Variants in SOSTDC1 observed in about 807,000 individuals in gnomAD.
The protein encoded by SOSTDC1 is sclerostin domain-containing protein 1.
SOSTDC1 carries 7 observed loss-of-function variants against 15.1 expected under a neutral mutation model. The ratio of observed to expected loss-of-function variants is 0.46; its 90% CI spans 0.26 to 0.87. The LOEUF is 0.87. Ranked by LOEUF, SOSTDC1 falls within the 40% of genes least tolerant of loss-of-function variation. The pLI is 0.15. For missense variants in SOSTDC1, 242 were observed against 259.2 expected, an observed-to-expected ratio of 0.93 and a Z score of 0.46; for synonymous variants, 94 against 93.2, an observed-to-expected ratio of 1.01 and a Z score of -0.05.
Position 16,462,720 on chromosome 7 carries a change from C to T in SOSTDC1, c.449G>A (p.Gly150Asp). Residue 150 changes from glycine (G) to aspartate (D), a missense_variant, in exon 2 of 2, where the codon GGC becomes GAC. By Grantham distance (94) the Gly-to-Asp change is moderately conservative. Transcript: ENST00000307068. ...TQRIQLQCQDGSTRTYKITVV... is the reference protein window; with the variant it reads ...TQRIQLQCQDDSTRTYKITVV... ...TGTGATTTTGTAGGTGCGTGTGCTG[C>T]CATCTTGGCACTGCAGCTGGATTCT... 1 of 1,614,180 alleles carries T rather than the reference C, an allele frequency of 6.2e-7. No homozygotes were observed. Among genetic ancestry groups the T allele is most frequent in the Non-Finnish European group, 8.5e-7 (1 of 1,180,028 alleles).
chr7:16,465,443 G>T, intron 1 of SOSTDC1, 21 bp downstream of exon 1: 1 of 1,589,340 alleles, frequency 6.3e-7, no homozygotes, highest in Non-Finnish European at 8.6e-7. Context: ...AAAAAAAACT[G>T]TACAAGTAAA....
rs1781288172 is a variant in SOSTDC1 at position 16,465,453 on chromosome 7, AAC to A, written c.205+9_205+10del. On this transcript the variant is annotated intron_variant, in intron 1 of 1. Coordinates refer to ENST00000307068, the MANE Select transcript of SOSTDC1 (RefSeq NM_015464.3). The stretch of plus-strand genomic sequence containing the variant: ...AGAAAAAAAAAAACTGTACAAGTAA[AAC>A]ACACTTACTGTTCCGATCCAGTCCA... 1 of 1,611,460 alleles carries A rather than the reference AAC, an allele frequency of 6.2e-7. No individual in the cohort carries two copies. Among genetic ancestry groups the A allele is most frequent in the Non-Finnish European group, 8.5e-7 (1 of 1,177,792 alleles).
rs1781210913 is a variant in SOSTDC1, at chr7:16,461,538, A to T, written c.*1010T>A. ...ACCCTTTATACATGTTAGAGGCAAC[A>T]ACAATAACTTTTAGCAGTGTTTATT... On this transcript the variant is annotated 3_prime_UTR_variant, in exon 2 of 2. Coordinates refer to ENST00000307068, the MANE Select transcript of SOSTDC1 (RefSeq NM_015464.3). The T allele has an allele frequency of 6.6e-6, 1 of 152,246 alleles. No individual in the cohort carries two copies. The highest frequency in any genetic ancestry group is 1.5e-5 in the Non-Finnish European group (1 of 68,036). 9.4% of individuals were successfully genotyped at this position (152,246 alleles called of 1,614,324 possible). A position where few individuals can be genotyped will look rare whatever the true frequency, so the allele number is the denominator to read the frequency against.
chr7:16,464,374 C>G, intron 1 of SOSTDC1: 1 of 1,550,450 alleles, frequency 6.4e-7, no homozygotes, highest in Non-Finnish European at 8.7e-7. Context: ...TTTGTCTCGT[C>G]AAGCTTTCTG....
Position 16,465,523 on chromosome 7 carries a change from G to T in SOSTDC1, c.146C>A (p.Thr49Lys). ...PVPAHPSSNS[T>K]LNQARNGGRH... ...GCCTCCATTTCTGGCTTGATTCAAC[G>T]TGCTGTTGCTGCTGGGGTGTGCTGG... Residue 49 changes from threonine (T) to lysine (K), a missense_variant, in exon 1 of 2, where the codon ACG becomes AAG. By Grantham distance (78) the Thr-to-Lys change is moderately conservative. Coordinates refer to ENST00000307068, the MANE Select transcript of SOSTDC1 (RefSeq NM_015464.3). 1 of 1,614,130 alleles carries T rather than the reference G, an allele frequency of 6.2e-7. No homozygotes were observed. Among genetic ancestry groups the T allele is most frequent in the Non-Finnish European group, 8.5e-7 (1 of 1,180,014 alleles).
At position 16,465,075 on chromosome 7, in the gene SOSTDC1, C is replaced by T. The variant is rs543361308; in HGVS notation, c.205+389G>A. ...GGTAACTAATAATATATATTAGTTA[C>T]GTTTATACACTTTACCAAAATTGCA... On this transcript the variant is annotated intron_variant, in intron 1 of 1. Transcript: ENST00000307068. Among the ~76,000 whole-genome samples, 36 of 152,114 alleles carry T rather than the reference C, an allele frequency of 2.4e-4. 2 individuals are homozygous for T. The East Asian group carries it at 3.1e-3, about 13-fold the overall frequency.
chr7:16,463,059 T>C (rs1286873982), intron 1 of SOSTDC1, 96 bp from the exon 2 acceptor site: 3 of 1,242,724 alleles, frequency 2.4e-6, no homozygotes, highest in Non-Finnish European at 3.3e-6. Context: ...AGGCAAATGA[T>C]AGCAAATTGC....
chr7:16,462,754 G>C lies in SOSTDC1; in HGVS notation c.415C>G (p.Arg139Gly), dbSNP rs370368434. The C allele has an allele frequency of 2.7e-5, 43 of 1,613,988 alleles. No homozygotes were observed. The South Asian group carries it at 3.5e-4, about 13-fold the overall frequency. Residue 139 changes from arginine to glycine, a missense_variant, in exon 2 of 2, where the codon CGT becomes GGT. Arg to Gly is a moderately radical substitution (Grantham distance 125, BLOSUM62 -2). Coordinates refer to ENST00000307068, the MANE Select transcript of SOSTDC1 (RefSeq NM_015464.3). ...CACTGCAGCTGGATTCTCTGGGTAC[G>C]GGTTTTGTCATTGACACACCGCCAC... ...QEWRCVNDKT[R>G]TQRIQLQCQD...
At position 16,462,631 on chromosome 7, in the gene SOSTDC1, C is replaced by T; in HGVS notation, c.538G>A (p.Glu180Lys). ...RQHNESSHNFESMSPAKPVQH... is the reference protein window; with the variant it reads ...RQHNESSHNFKSMSPAKPVQH... ...ACTGGCTTGGCAGGTGACATGCTCTCAAAGTTGTGACTGGACTCGTTGTGC... is the reference window on the plus strand; with the variant it reads ...ACTGGCTTGGCAGGTGACATGCTCTTAAAGTTGTGACTGGACTCGTTGTGC... Residue 180 changes from glutamate to lysine, a missense_variant, in exon 2 of 2, where the codon GAG becomes AAG. Glu to Lys is a moderately conservative substitution (Grantham distance 56). Transcript: ENST00000307068. 6.2e-7 allele frequency: 1 copy of T among 1,614,174 alleles called. No homozygotes were observed. The highest frequency in any genetic ancestry group is 1.6e-4 in the Middle Eastern group (1 of 6,062).
intron 1 of SOSTDC1, 102 bp downstream of exon 1, chr7:16,465,362 A>C: frequency 1.0e-6 from 1 of 998,662 alleles, no homozygotes; most frequent in Non-Finnish European, 1.5e-6. Context: ...TTCACAACAT[A>C]TATACGGTTC....
At chr7:16,463,990 G>T (rs1211325692) in intron 1 of SOSTDC1, among the ~76,000 whole-genome samples, 1 of 151,494 alleles carries the variant, frequency 6.6e-6, no homozygotes, top group Non-Finnish European at 1.5e-5. Context: ...ATCAAGGCTT[G>T]CCAACCAGGA....
Position 16,462,612 on chromosome 7 carries a change from T to A in SOSTDC1, c.557A>T (p.Lys186Met), listed in dbSNP as rs1781229661. Residue 186 changes from lysine (K) to methionine (M), a missense_variant, in exon 2 of 2, where the codon AAG (lysine) becomes ATG (methionine). Physicochemically the swap from Lys to Met is moderately conservative, Grantham distance 95. Transcript: ENST00000307068. ...CCGCTCTCTGTGATGCTGGACTGGC[T>A]TGGCAGGTGACATGCTCTCAAAGTT... Reference protein sequence around the residue: ...SHNFESMSPAKPVQHHRERKR... With the variant: ...SHNFESMSPAMPVQHHRERKR... The A allele has an allele frequency of 6.2e-7, 1 of 1,614,226 alleles. No individual in the cohort carries two copies. Among genetic ancestry groups the A allele is most frequent in the African/African-American group, 1.3e-5 (1 of 75,064 alleles).
At position 16,463,665 on chromosome 7, in the gene SOSTDC1, GC is replaced by G. The variant is rs1781249098; in HGVS notation, c.206-703del. Among the ~76,000 whole-genome samples, 3 of 152,130 alleles carry G rather than the reference GC, an allele frequency of 2.0e-5. No homozygotes were observed. In the South Asian group the frequency reaches 6.2e-4, roughly 32 times the overall value. ...AACTCAAGACTCAAAGAATATAAAA[GC>G]CCCTAAATCAGGAACGTATGGTTGC... is the stretch of plus-strand genomic sequence containing the variant. On this transcript the variant is annotated intron_variant, in intron 1 of 1. Coordinates refer to ENST00000307068, the MANE Select transcript of SOSTDC1 (RefSeq NM_015464.3).
At position 16,464,669 on chromosome 7, in the gene SOSTDC1, T is replaced by C. The variant is rs189477691; in HGVS notation, c.205+795A>G. On this transcript the variant is annotated intron_variant, in intron 1 of 1. Transcript: ENST00000307068. Reference sequence around the variant, plus strand: ...CGCAGTGTTTCTCTCTCTCTCTCTCTCTCTCTTAAAACCTGATTATTAGCA... The same window carrying C: ...CGCAGTGTTTCTCTCTCTCTCTCTCCCTCTCTTAAAACCTGATTATTAGCA... Among the ~76,000 whole-genome samples, 611 of 152,176 alleles carry C rather than the reference T, an allele frequency of 4.0e-3. 2 individuals are homozygous for C. The highest frequency in any genetic ancestry group is 6.7e-3 in the Non-Finnish European group (454 of 68,020).
intron 1 of SOSTDC1, chr7:16,464,208 A>G: frequency 1.2e-6 from 1 of 808,492 alleles, no homozygotes; most frequent in South Asian, 1.5e-5. Context: ...AAACTTATGT[A>G]TATAGACATG....
In SOSTDC1 at chr7:16,462,455, T is replaced by A; in HGVS notation, c.*93A>T. The A allele has an allele frequency of 7.5e-7, 1 of 1,333,754 alleles. No homozygotes were observed. Among genetic ancestry groups the A allele is most frequent in the African/African-American group, 1.4e-5 (1 of 69,218 alleles). 82.6% of individuals were successfully genotyped at this position (1,333,754 alleles called of 1,614,324 possible). ...AAAGCAGAAAGCATATACTTTCAAG[T>A]GAGAAAACAGCAGTGGCAGGCTTGA... On this transcript the variant is annotated 3_prime_UTR_variant, in exon 2 of 2. Coordinates refer to ENST00000307068, the MANE Select transcript of SOSTDC1 (RefSeq NM_015464.3).
At chr7:16,464,973 G>A (rs1413596812) in intron 1 of SOSTDC1, among the ~76,000 whole-genome samples, 1 of 152,086 alleles carries the variant, frequency 6.6e-6, no homozygotes, top group East Asian at 1.9e-4. Context: ...ACATATTTTA[G>A]AAATCCAATG....
rs1279233325 is a variant in SOSTDC1 at position 16,465,465 on chromosome 7, G to C, written c.204C>G (p.Asn68Lys). 6.2e-7 allele frequency: 1 copy of C among 1,612,198 alleles called. No homozygotes were observed. The highest frequency in any genetic ancestry group is 8.5e-7 in the Non-Finnish European group (1 of 1,178,356). ...ACTGTACAAGTAAAACACACTTACTGTTCCGATCCAGTCCAGTGTTACTGA... is the reference window on the plus strand; with the variant it reads ...ACTGTACAAGTAAAACACACTTACTCTTCCGATCCAGTCCAGTGTTACTGA... ...RHFSNTGLDR[N>K]TRVQVGCREL... The change falls in exon 1 of 2, where the codon AAC becomes AAG. Residue 68 changes from asparagine to lysine, a missense_variant and splice_region_variant. By Grantham distance (94) the Asn-to-Lys change is moderately conservative. Coordinates refer to ENST00000307068, the MANE Select transcript of SOSTDC1 (RefSeq NM_015464.3).
At chr7:16,464,213 G>A in intron 1 of SOSTDC1, 1 of 835,554 alleles carries the variant, frequency 1.2e-6, no homozygotes, top group Non-Finnish European at 2.0e-6. Flanking sequence ...TATGTATATA[G>A]ACATGCATGC....
Sources: allele counts gnomAD v4.1 joint callset (sites outside exome capture counted in the v4.1 genomes callset), GRCh38; gene constraint gnomAD v4.1.1; transcripts MANE v1.5; gene names NCBI Gene and HGNC (gene_info 2026-07-23, HGNC 2026-07-21).